Variants in DDC observed in about 807,000 individuals in gnomAD.
DDC encodes the protein aromatic-L-amino-acid decarboxylase.
In DDC, 43 loss-of-function variants were observed where a neutral mutation model predicts 60.0. The observed-to-expected ratio is 0.72, with a 90% CI of 0.56 to 0.92. DDC has a LOEUF of 0.92. Among genes scored for constraint, DDC ranks in the 40% least tolerant of loss-of-function variants. The pLI is 0.00. For missense variants in DDC, 573 were observed against 620.2 expected (o/e 0.92, Z 0.81); for synonymous variants, 232 against 234.6 (o/e 0.99, Z 0.10).
intron 9 of DDC, among the ~76,000 whole-genome samples, chr7:50,491,082 T>C (rs2042989032): frequency 6.6e-6 from 1 of 152,244 alleles, no homozygotes; most frequent in Non-Finnish European, 1.5e-5. Context: ...GTTGTCAGTT[T>C]TTTTTCCTTC....
chr7:50,531,113 T>G (rs1481849241), intron 4 of DDC, among the ~76,000 whole-genome samples: 1 of 152,224 alleles, frequency 6.6e-6, no homozygotes, highest in East Asian at 1.9e-4. Flanking sequence ...TCCTTCAGGC[T>G]ATATTTTCAT....
intron 6 of DDC, among the ~76,000 whole-genome samples, chr7:50,511,079 A>ACACACG (rs1289375415): frequency 6.6e-6 from 1 of 150,484 alleles, no homozygotes; most frequent in Non-Finnish European, 1.5e-5. Context: ...ACACACACAC[A>ACACACG]CACACAAAAT....
chr7:50,555,841 G>C (rs1260560892), intron 1 of DDC, among the ~76,000 whole-genome samples: 1 of 152,170 alleles, frequency 6.6e-6, no homozygotes, highest in African/African-American at 2.4e-5. Flanking sequence ...GGCCACAGTT[G>C]AATTCCTGCA....
At chr7:50,486,778 T>A (rs1353331849) in intron 9 of DDC, among the ~76,000 whole-genome samples, 1 of 152,204 alleles carries the variant, frequency 6.6e-6, no homozygotes, top group Non-Finnish European at 1.5e-5. Flanking sequence ...AAGGAAAAAT[T>A]AAGCTTAAAG....
intron 6 of DDC, among the ~76,000 whole-genome samples, chr7:50,514,763 GA>G (rs1394291292): frequency 1.3e-5 from 2 of 151,982 alleles, no homozygotes; most frequent in African/African-American, 4.8e-5. Context: ...CACACTTTTA[GA>G]AATGTGAAAT....
At chr7:50,479,936 C>G (rs116595907) in intron 9 of DDC, 73 bp from the exon 10 acceptor site, 5 of 1,216,830 alleles carry the variant, frequency 4.1e-6, no homozygotes, top group Non-Finnish European at 6.0e-6. Context: ...CCTCTCCCCA[C>G]CTGCCTCAGC....
At chr7:50,529,408 G>T (rs893576059) in intron 4 of DDC, 66 bp from the exon 5 acceptor site, 2 of 1,560,162 alleles carry the variant, frequency 1.3e-6, no homozygotes, top group African/African-American at 2.7e-5. Context: ...CTACACTATT[G>T]GAAGACATAT....
At chr7:50,556,244 T>C (rs2045183694) in intron 1 of DDC, among the ~76,000 whole-genome samples, 1 of 152,182 alleles carries the variant, frequency 6.6e-6, no homozygotes, top group Non-Finnish European at 1.5e-5. Flanking sequence ...AATGATTTCT[T>C]AGAGTTCTGA....
chr7:50,559,415 C>T (rs559851310), intron 1 of DDC, among the ~76,000 whole-genome samples: 1 of 148,862 alleles, frequency 6.7e-6, no homozygotes, highest in Admixed American at 6.7e-5. Flanking sequence ...AAACACAAAA[C>T]ATCAGAACAT....
chr7:50,463,449 G>T lies in DDC; in HGVS notation c.1243-18C>A. The T allele has an allele frequency of 1.2e-6, 2 of 1,609,984 alleles. No individual in the cohort carries two copies. Among genetic ancestry groups the T allele is most frequent in the Non-Finnish European group, 1.7e-6 (2 of 1,176,272 alleles). ...TTGGAACCCTGGAGGGATTGAAAGAGAGGAACTGTGCTCAGGTCTCTGAGG... is the reference window on the plus strand; with the variant it reads ...TTGGAACCCTGGAGGGATTGAAAGATAGGAACTGTGCTCAGGTCTCTGAGG... On this transcript the variant is annotated intron_variant, in intron 13 of 14. Transcript: ENST00000444124.
At chr7:50,530,681 G>A (rs1156982531) in intron 4 of DDC, among the ~76,000 whole-genome samples, 1 of 152,278 alleles carries the variant, frequency 6.6e-6, no homozygotes, top group East Asian at 1.9e-4. Flanking sequence ...GGTGCCATGG[G>A]CCTAGAAAGG....
rs567102019 is a variant in DDC at position 50,492,637 on chromosome 7, G to A, written c.944+2713C>T. The A allele has an allele frequency of 1.1e-5, 12 of 1,132,784 alleles. No homozygotes were observed. The African/African-American group carries it at 1.4e-4, about 14-fold the overall frequency. 70.2% of individuals were successfully genotyped at this position (1,132,784 alleles called of 1,614,324 possible). A position where few individuals can be genotyped will look rare whatever the true frequency, so the allele number is the denominator to read the frequency against. On this transcript the variant is annotated intron_variant, in intron 9 of 14. Transcript: ENST00000444124. ...TGTGGCAGACTTCCAGACACCGCAGGCCTCTCTTGTGTCTTAGGGCTTACG... is the reference window on the plus strand; with the variant it reads ...TGTGGCAGACTTCCAGACACCGCAGACCTCTCTTGTGTCTTAGGGCTTACG...
intron 14 of DDC, among the ~76,000 whole-genome samples, chr7:50,459,350 C>G (rs1182732120): frequency 6.6e-6 from 1 of 152,338 alleles, no homozygotes; most frequent in East Asian, 1.9e-4. Flanking sequence ...CCCAAAGTGC[C>G]GAGATTACAG....
rs192565332 is a variant in DDC, at chr7:50,565,398, C to G, written c.-142G>C. The G allele has an allele frequency of 4.1e-4, 62 of 152,336 alleles. No individual in the cohort carries two copies. The highest frequency in any genetic ancestry group is 1.4e-3 in the African/African-American group (60 of 41,570). 9.4% of individuals were successfully genotyped at this position (152,336 alleles called of 1,614,324 possible). A position where few individuals can be genotyped will look rare whatever the true frequency, so the allele number is the denominator to read the frequency against. ...GAGGCACTCGGCACTGAGACAGTCA[C>G]TCTTCTTGAAACTCCAAGCCACACG... is the stretch of plus-strand genomic sequence containing the variant. On this transcript the variant is annotated 5_prime_UTR_variant, in exon 1 of 15. Transcript: ENST00000444124.
chr7:50,540,624 C>A (rs1401195817), intron 2 of DDC, among the ~76,000 whole-genome samples: 2 of 152,214 alleles, frequency 1.3e-5, no homozygotes, highest in African/African-American at 4.8e-5. Context: ...GCAGCTGGAT[C>A]ACCCCACAGA....
At chr7:50,496,385 C>T (rs890442890) in intron 8 of DDC, among the ~76,000 whole-genome samples, 3 of 152,112 alleles carry the variant, frequency 2.0e-5, no homozygotes, top group African/African-American at 4.8e-5. Flanking sequence ...CACTGCACCC[C>T]GACCAGCTCC....
At chr7:50,541,147 C>T (rs1333543005) in intron 2 of DDC, among the ~76,000 whole-genome samples, 1 of 152,218 alleles carries the variant, frequency 6.6e-6, no homozygotes, top group African/African-American at 2.4e-5. Flanking sequence ...AGAGACATTG[C>T]CCTGTTCCGC....
chr7:50,538,038 C>A, intron 3 of DDC, 59 bp from the exon 4 acceptor site: 1 of 1,607,718 alleles, frequency 6.2e-7, no homozygotes, highest in South Asian at 1.1e-5. Context: ...ATTTGGGGGT[C>A]AGCAGTAACA....
rs1330547641 is a variant in DDC, at chr7:50,458,672, C to A, written c.*190G>T. The stretch of plus-strand genomic sequence containing the variant: ...CCATGAAGATTAACTTTTTAATTAG[C>A]AAATAATATTTCTTTGTTGATGAGA... On this transcript the variant is annotated 3_prime_UTR_variant, in exon 15 of 15. Coordinates refer to ENST00000444124, the MANE Select transcript of DDC (RefSeq NM_001082971.2). 1 of 152,156 alleles carries A rather than the reference C, an allele frequency of 6.6e-6. No individual in the cohort carries two copies. Among genetic ancestry groups the A allele is most frequent in the African/African-American group, 2.4e-5 (1 of 41,430 alleles). The allele number at this position is 152,156 out of a possible 1,614,324, so 9.4% of individuals were successfully genotyped here.
Sources: allele counts gnomAD v4.1 joint callset (sites outside exome capture counted in the v4.1 genomes callset), GRCh38; gene constraint gnomAD v4.1.1; transcripts MANE v1.5; gene names NCBI Gene and HGNC (gene_info 2026-07-23, HGNC 2026-07-21).